ACSL5: variants seen among roughly 807,000 people sequenced by gnomAD.
The protein encoded by ACSL5 is acyl-CoA synthetase long chain family member 5, also known as long-chain-fatty-acid--CoA ligase 5.
In ACSL5, 50 loss-of-function variants were observed where a neutral mutation model predicts 84.9. That is an observed-to-expected ratio of 0.59 (90% CI 0.47 to 0.75). ACSL5 has a LOEUF of 0.75. Among genes scored for constraint, ACSL5 ranks in the 30% least tolerant of loss-of-function variants. ACSL5 has a pLI of 0.00. For missense variants in ACSL5, 775 were observed against 830.4 expected (o/e 0.93, Z 0.82); for synonymous variants, 280 against 300.7 (o/e 0.93, Z 0.71).
intron 1 of ACSL5, among the ~76,000 whole-genome samples, chr10:112,386,960 T>C (rs1849466495): frequency 2.0e-5 from 3 of 152,228 alleles, no homozygotes; most frequent in Admixed American, 6.5e-5. Context: ...TTACCTCTTA[T>C]TTCCTTAGAG....
Position 112,428,047 on chromosome 10 carries a change from G to T in ACSL5, c.*689G>T. ...TGACATATTGTCCAAAAGGAATGCTGTTCTTAAAGCATTATTTACAGTAGG... is the reference window on the plus strand; with the variant it reads ...TGACATATTGTCCAAAAGGAATGCTTTTCTTAAAGCATTATTTACAGTAGG... On this transcript the variant is annotated 3_prime_UTR_variant, in exon 21 of 21. Transcript: ENST00000354655. 1 of 182,978 alleles carries T rather than the reference G, an allele frequency of 5.5e-6. No individual in the cohort carries two copies. Among genetic ancestry groups the T allele is most frequent in the Non-Finnish European group, 1.1e-5 (1 of 88,408 alleles). The allele number at this position is 182,978 out of a possible 1,614,324, so 11.3% of individuals were successfully genotyped here. A position where few individuals can be genotyped will look rare whatever the true frequency, so the allele number is the denominator to read the frequency against.
intron 11 of ACSL5, 30 bp from the exon 12 acceptor site, chr10:112,413,143 C>T (rs1320623419): frequency 1.2e-6 from 2 of 1,612,476 alleles, no homozygotes; most frequent in South Asian, 1.1e-5. Flanking sequence ...TTGTTTGCCT[C>T]TAAGCTCTAT....
intron 9 of ACSL5, 107 bp downstream of exon 9, chr10:112,410,742 C>CCTG: frequency 8.7e-7 from 1 of 1,148,268 alleles, no homozygotes; most frequent in South Asian, 1.4e-5. Flanking sequence ...GAGCCCTATA[C>CCTG]TTAGGGGCTC....
chr10:112,423,436 A>G (rs915069834), intron 17 of ACSL5, among the ~76,000 whole-genome samples: 9 of 151,136 alleles, frequency 6.0e-5, no homozygotes, highest in African/African-American at 1.9e-4. Context: ...GCCTCAAGCA[A>G]TCCTCTTGCC....
At chr10:112,388,705 C>T (rs781232680) in intron 1 of ACSL5, among the ~76,000 whole-genome samples, 5 of 152,180 alleles carry the variant, frequency 3.3e-5, no homozygotes, top group Non-Finnish European at 7.3e-5. Context: ...GGAGCTAGGA[C>T]TATTTCCCAG....
intron 1 of ACSL5, among the ~76,000 whole-genome samples, chr10:112,390,386 G>A (rs1849533784): frequency 6.6e-6 from 1 of 152,206 alleles, no homozygotes; most frequent in African/African-American, 2.4e-5. Context: ...GAAAGTAGCA[G>A]TGTTAGGGAG....
Position 112,411,517 on chromosome 10 carries a change from C to T in ACSL5, c.858C>T (p.Leu286=). 1.9e-6 allele frequency: 3 copies of T among 1,613,592 alleles called. No individual in the cohort carries two copies. Among genetic ancestry groups the T allele is most frequent in the Non-Finnish European group, 2.5e-6 (3 of 1,179,540 alleles). ...QNIVSNAAAF[L]KCVEHAYEPT... ...TTGTTTCAAATGCTGCTGCCTTTCT[C>T]AAATGTGTGGAGGTCAGTGGTCAGT... The change falls in exon 10 of 21, where the codon CTC becomes CTT. Residue 286 remains leucine, a synonymous_variant. Transcript: ENST00000354655.
chr10:112,425,527 C>T, intron 18 of ACSL5, 46 bp downstream of exon 18: 1 of 1,482,472 alleles, frequency 6.7e-7, no homozygotes, highest in Non-Finnish European at 9.0e-7. Context: ...ACAAACCATG[C>T]TGGTTCTTGT....
Position 112,426,696 on chromosome 10 carries a change from C to T in ACSL5, c.1840-92C>T, listed in dbSNP as rs1168552616. 9 of 1,100,022 alleles carry T rather than the reference C, an allele frequency of 8.2e-6. No homozygotes were observed. In the Middle Eastern group the frequency reaches 5.9e-4, roughly 72 times the overall value. The allele number at this position is 1,100,022 out of a possible 1,614,324, so 68.1% of individuals were successfully genotyped here. ...GTTTTATATTCCTGCTTTCATACTGCATGGCTTTGACAGGCACTTTGAGTT... is the reference window on the plus strand; with the variant it reads ...GTTTTATATTCCTGCTTTCATACTGTATGGCTTTGACAGGCACTTTGAGTT... On this transcript the variant is annotated intron_variant, in intron 19 of 20. Transcript: ENST00000354655.
chr10:112,409,645 A>G lies in ACSL5; in HGVS notation c.671A>G (p.Glu224Gly). The part of the protein sequence containing the change: ...PFDDDLKQRG[E>G]KSGIEILSLY... ...GATGATGACCTGAAGCAAAGAGGGG[A>G]GAAGAGTGGAATTGAGATCTTATCC... The change falls in exon 7 of 21, where the codon GAG becomes GGG. Residue 224 changes from glutamate (E) to glycine (G), a missense_variant. Transcript: ENST00000354655. The G allele has an allele frequency of 6.2e-7, 1 of 1,614,084 alleles. No individual in the cohort carries two copies. Among genetic ancestry groups the G allele is most frequent in the Non-Finnish European group, 8.5e-7 (1 of 1,179,994 alleles).
intron 1 of ACSL5, among the ~76,000 whole-genome samples, chr10:112,382,670 A>G (rs1015934745): frequency 6.6e-6 from 1 of 152,186 alleles, no homozygotes; most frequent in Non-Finnish European, 1.5e-5. Flanking sequence ...CGAACGCCCT[A>G]ATGATTTATT....
chr10:112,411,157 A>C (rs1285063037), intron 9 of ACSL5, among the ~76,000 whole-genome samples: 1 of 152,180 alleles, frequency 6.6e-6, no homozygotes, highest in African/African-American at 2.4e-5. Context: ...ACAGCATGAG[A>C]TGTGGGGCAG....
intron 14 of ACSL5, among the ~76,000 whole-genome samples, chr10:112,421,113 C>T (rs1454802665): frequency 1.3e-5 from 2 of 152,104 alleles, no homozygotes; most frequent in Non-Finnish European, 2.9e-5. Flanking sequence ...GTAGTAAATA[C>T]TTTGCAGCTT....
chr10:112,408,891 A>G (rs1391368079), intron 6 of ACSL5: 5 of 187,712 alleles, frequency 2.7e-5, no homozygotes, highest in Non-Finnish European at 4.5e-5. Flanking sequence ...ATCCAAGTCA[A>G]TACAGTTAAC....
At chr10:112,413,430 G>A (rs1844233879) in intron 12 of ACSL5, 123 bp downstream of exon 12, 16 of 1,248,422 alleles carry the variant, frequency 1.3e-5, no homozygotes, top group Non-Finnish European at 1.8e-5. Flanking sequence ...AAAGCCGTGT[G>A]TAAATACAAT....
intron 7 of ACSL5, 106 bp downstream of exon 7, chr10:112,409,791 C>A: frequency 1.7e-6 from 2 of 1,147,002 alleles, no homozygotes; most frequent in Non-Finnish European, 2.6e-6. Flanking sequence ...CCAGGGGTGG[C>A]ACGTGAGGAG....
chr10:112,420,872 C>T (rs1431667617), intron 14 of ACSL5, among the ~76,000 whole-genome samples: 3 of 152,116 alleles, frequency 2.0e-5, no homozygotes, highest in East Asian at 3.9e-4. Context: ...CAGGCATGTG[C>T]CACCAGGCCC....
chr10:112,409,500 C>A lies in ACSL5; in HGVS notation c.533-7C>A, dbSNP rs1412926214. The A allele has an allele frequency of 1.2e-6, 2 of 1,612,228 alleles. No individual in the cohort carries two copies. The highest frequency in any genetic ancestry group is 1.7e-6 in the Non-Finnish European group (2 of 1,179,558). ...GGAATGACCTCTGGTTCTATTTTGG[C>A]TTCCAGCTGATATCGCCATGGTGAT... On this transcript the variant is annotated splice_polypyrimidine_tract_variant and splice_region_variant and intron_variant, in intron 6 of 20. Coordinates refer to ENST00000354655, the MANE Select transcript of ACSL5 (RefSeq NM_203379.2).
intron 3 of ACSL5, among the ~76,000 whole-genome samples, chr10:112,402,133 TTTTTTTATA>T (rs1276571664): frequency 6.6e-6 from 1 of 151,936 alleles, no homozygotes; most frequent in Non-Finnish European, 1.5e-5. Context: ...CCATAGCTAA[TTTTTTTATA>T]TTTTTTATAG....
Sources: allele counts gnomAD v4.1 joint callset (sites outside exome capture counted in the v4.1 genomes callset), GRCh38; gene constraint gnomAD v4.1.1; transcripts MANE v1.5; gene names NCBI Gene and HGNC (gene_info 2026-07-23, HGNC 2026-07-21).